Variants in PPP3CC observed in about 807,000 individuals in gnomAD.
PPP3CC encodes the protein protein phosphatase 3 catalytic subunit gamma.
In PPP3CC, 35 loss-of-function variants were observed where a neutral mutation model predicts 60.3. That is an observed-to-expected ratio of 0.58 (90% CI 0.44 to 0.77). PPP3CC has a LOEUF of 0.77. PPP3CC is among the 30% of genes least tolerant of loss of function. PPP3CC has a pLI of 0.00. For missense variants in PPP3CC, 570 were observed against 628.9 expected (o/e 0.91, Z 1.00); for synonymous variants, 206 against 224.3 (o/e 0.92, Z 0.73).
intron 1 of PPP3CC, among the ~76,000 whole-genome samples, chr8:22,444,794 G>T (rs1032282939): frequency 5.3e-5 from 8 of 152,168 alleles, no homozygotes; most frequent in Non-Finnish European, 2.9e-5. Flanking sequence ...ACCATAACTG[G>T]TATCTAAGCC....
chr8:22,529,422 G>C (rs2117139327), intron 10 of PPP3CC, among the ~76,000 whole-genome samples: 1 of 152,182 alleles, frequency 6.6e-6, no homozygotes, highest in Non-Finnish European at 1.5e-5. Context: ...TGAGACTAAT[G>C]GACAATTTTT....
At chr8:22,448,386 T>G (rs1245734651) in intron 1 of PPP3CC, among the ~76,000 whole-genome samples, 6 of 151,032 alleles carry the variant, frequency 4.0e-5, no homozygotes, top group African/African-American at 9.8e-5. Flanking sequence ...TTTTTGTTTT[T>G]TTTTTTTTTT....
chr8:22,510,182 CAAAAAAAAAA>C (rs71546815), intron 4 of PPP3CC, among the ~76,000 whole-genome samples: 1 of 88,274 alleles, frequency 1.1e-5, no homozygotes, highest in African/African-American at 4.3e-5. Context: ...GACTCCGTCT[CAAAAAAAAAA>C]AAAAAAAAAG....
intron 6 of PPP3CC, 55 bp downstream of exon 6, chr8:22,513,487 C>T (rs1839152345): frequency 1.0e-5 from 15 of 1,495,808 alleles, no homozygotes; most frequent in African/African-American, 1.4e-5. Flanking sequence ...TTCATTTTAT[C>T]AGATGATTTT....
chr8:22,478,240 C>G (rs1406303570), intron 3 of PPP3CC, among the ~76,000 whole-genome samples: 1 of 151,654 alleles, frequency 6.6e-6, no homozygotes, highest in African/African-American at 2.4e-5. Context: ...CAACCTATGC[C>G]TCCTGGGTTT....
intron 1 of PPP3CC, among the ~76,000 whole-genome samples, chr8:22,466,544 G>A (rs1405179929): frequency 2.6e-5 from 4 of 152,180 alleles, no homozygotes; most frequent in Non-Finnish European, 5.9e-5. Flanking sequence ...GTATCTTATT[G>A]TGGTTTTGAT....
At chr8:22,457,583 C>T (rs1586791516) in intron 1 of PPP3CC, among the ~76,000 whole-genome samples, 1 of 151,192 alleles carries the variant, frequency 6.6e-6, no homozygotes, top group Admixed American at 6.6e-5. Context: ...TCTGGAATTA[C>T]AGGCATGAGC....
chr8:22,507,566 G>T (rs188426621), intron 4 of PPP3CC, among the ~76,000 whole-genome samples: 8 of 152,164 alleles, frequency 5.3e-5, no homozygotes, highest in Non-Finnish European at 1.0e-4. Flanking sequence ...GGGCAGGTAA[G>T]CCTAATTTCC....
At chr8:22,482,672 G>A (rs917023931) in intron 3 of PPP3CC, among the ~76,000 whole-genome samples, 1 of 152,132 alleles carries the variant, frequency 6.6e-6, no homozygotes. Context: ...CCAAAAAGGT[G>A]AAGAAAAACC....
At chr8:22,512,304 A>G (rs1165041390) in intron 5 of PPP3CC, among the ~76,000 whole-genome samples, 4 of 152,346 alleles carry the variant, frequency 2.6e-5, no homozygotes, top group African/African-American at 4.8e-5. Context: ...TCTCTTTTAC[A>G]TAGTAAAATA....
At chr8:22,537,556 C>T (rs1422214109) in intron 12 of PPP3CC, among the ~76,000 whole-genome samples, 1 of 152,270 alleles carries the variant, frequency 6.6e-6, no homozygotes, top group East Asian at 1.9e-4. Flanking sequence ...CCAGTCATAG[C>T]TACATACCCC....
intron 3 of PPP3CC, among the ~76,000 whole-genome samples, chr8:22,487,026 A>G (rs1838245666): frequency 6.6e-6 from 1 of 152,148 alleles, no homozygotes; most frequent in Non-Finnish European, 1.5e-5. Context: ...CACCGCGCCC[A>G]GCCCAGACTT....
rs1023915044 is a variant in PPP3CC at position 22,475,539 on chromosome 8, A to G, written c.287A>G (p.Lys96Arg). ...DIHGQFFDLMKLFEVGGSPSN... is the reference protein window; with the variant it reads ...DIHGQFFDLMRLFEVGGSPSN... ...CATGGACAATTCTTTGACCTAATGA[A>G]GTTATTTGAAGTTGGAGGATCACCT... The change falls in exon 3 of 14, where the codon AAG becomes AGG. Residue 96 changes from lysine to arginine, a missense_variant. Transcript: ENST00000240139. The G allele has an allele frequency of 2.0e-5, 33 of 1,610,554 alleles. No individual in the cohort carries two copies. Among genetic ancestry groups the G allele is most frequent in the Non-Finnish European group, 2.7e-5 (32 of 1,177,182 alleles).
chr8:22,539,071 T>C (rs1159275027), intron 12 of PPP3CC, among the ~76,000 whole-genome samples: 2 of 152,204 alleles, frequency 1.3e-5, no homozygotes, highest in Non-Finnish European at 2.9e-5. Context: ...AATAAGCTTT[T>C]TGAATAGGAC....
At chr8:22,481,633 T>G (rs532255631) in intron 3 of PPP3CC, among the ~76,000 whole-genome samples, 30 of 152,028 alleles carry the variant, frequency 2.0e-4, no homozygotes, top group African/African-American at 6.3e-4. Context: ...CATGGTGGTT[T>G]GCTGCATCCA....
Position 22,441,461 on chromosome 8 carries a change from G to A in PPP3CC, c.49+3G>A. The A allele has an allele frequency of 6.5e-7, 1 of 1,539,290 alleles. No individual in the cohort carries two copies. Among genetic ancestry groups the A allele is most frequent in the Non-Finnish European group, 8.8e-7 (1 of 1,142,192 alleles). The stretch of plus-strand genomic sequence containing the variant: ...CACCACCGACCGCGTCATCAAAGGT[G>A]CCTGGCGGGCCGGGCCTTCCTCTGG... On this transcript the variant is annotated splice_donor_region_variant and intron_variant, in intron 1 of 13. Transcript: ENST00000240139.
chr8:22,536,222 T>C (rs1839842191), intron 12 of PPP3CC, among the ~76,000 whole-genome samples: 1 of 152,224 alleles, frequency 6.6e-6, no homozygotes, highest in Non-Finnish European at 1.5e-5. Context: ...CAAATAAATG[T>C]GCAGTTTTTT....
chr8:22,518,067 GT>G (rs566787134), intron 6 of PPP3CC, among the ~76,000 whole-genome samples: 103 of 142,138 alleles, frequency 7.2e-4, no homozygotes, highest in East Asian at 1.2e-3. Flanking sequence ...TTATCTTGAG[GT>G]TTTTTTTTTT....
At chr8:22,525,803 TC>T (rs1400126241) in intron 8 of PPP3CC, among the ~76,000 whole-genome samples, 6 of 151,178 alleles carry the variant, frequency 4.0e-5, no homozygotes, top group African/African-American at 1.5e-4. Context: ...TAAGCAGTCC[TC>T]CTGCCTCGGC....
Sources: gnomAD v4.1 joint callset for allele counts (sites outside exome capture counted in the v4.1 genomes callset) on GRCh38, gnomAD v4.1.1 for gene constraint, MANE v1.5 for transcripts, NCBI Gene and HGNC (gene_info 2026-07-23, HGNC 2026-07-21) for gene names.